The following ZNF234 variants were observed in gnomAD, a reference collection of about 807,000 sequenced individuals.
ZNF234 encodes the protein zinc finger protein 234, also known as C2-H2 type zinc finger protein.
Under a neutral mutation model 10.3 loss-of-function variants are expected in ZNF234, and 4 were observed. That is an observed-to-expected ratio of 0.39 (90% CI 0.19 to 0.89). The LOEUF (loss-of-function observed/expected upper bound fraction) is 0.89. Among genes scored for constraint, ZNF234 ranks in the 40% least tolerant of loss-of-function variants. ZNF234 has a pLI of 0.38. For missense variants in ZNF234, 711 were observed against 836.1 expected (o/e 0.85, Z 1.85); for synonymous variants, 258 against 280.1 (o/e 0.92, Z 0.79).
At chr19:44,143,200 G>A (rs1215471279) in intron 2 of ZNF234, among the ~76,000 whole-genome samples, 1 of 146,732 alleles carries the variant, frequency 6.8e-6, no homozygotes, top group Non-Finnish European at 1.5e-5. Flanking sequence ...TGAGTCCTGA[G>A]TTATGGAACT....
chr19:44,156,846 A>T lies in ZNF234; in HGVS notation c.830A>T (p.Glu277Val). The change falls in exon 6 of 6, where the codon GAA becomes GTA. Residue 277 changes from glutamate to valine, a missense_variant. Physicochemically the swap from Glu to Val is moderately radical, Grantham distance 121. Transcript: ENST00000426739. The stretch of plus-strand genomic sequence containing the variant: ...TTCATACATGCTTCCCATCTTCAGG[A>T]ACATCAGAGAATTCATACTGGGGAG... ...RAFIHASHLQ[E>V]HQRIHTGEKP... The T allele has an allele frequency of 6.2e-7, 1 of 1,609,904 alleles. No homozygotes were observed. The highest frequency in any genetic ancestry group is 8.5e-7 in the Non-Finnish European group (1 of 1,176,878).
Position 44,158,093 on chromosome 19 carries a change from T to C in ZNF234, c.2077T>C (p.Ser693Pro), listed in dbSNP as rs184245205. 1.2e-4 allele frequency: 191 copies of C among 1,602,382 alleles called. No individual in the cohort carries two copies. The African/African-American group carries it at 2.4e-3, about 20-fold the overall frequency. The stretch of plus-strand genomic sequence containing the variant: ...GAATAGTAAGAACATCAGAGAGTTG[T>C]CAGAGGGAGGAAGTTCTACAAGGTG... ...DENSKNIRELSEGGSSTR is the reference protein window; with the variant it reads ...DENSKNIRELPEGGSSTR Residue 693 changes from serine to proline, a missense_variant, in exon 6 of 6, where the codon TCA (serine) becomes CCA (proline). Ser to Pro is a moderately conservative substitution (Grantham distance 74, BLOSUM62 -1). Coordinates refer to ENST00000426739, the MANE Select transcript of ZNF234 (RefSeq NM_006630.3).
At chr19:44,154,628 C>CTTTT (rs779013573) in intron 5 of ZNF234, among the ~76,000 whole-genome samples, 8 of 102,442 alleles carry the variant, frequency 7.8e-5, no homozygotes, top group Non-Finnish European at 1.4e-4. Flanking sequence ...TTCTCTTTTT[C>CTTTT]TTTTTTTTTT....
rs902736211 is a variant in ZNF234 at position 44,150,407 on chromosome 19, T to C, written c.143-6T>C. On this transcript the variant is annotated splice_polypyrimidine_tract_variant and splice_region_variant and intron_variant, in intron 4 of 5. Coordinates refer to ENST00000426739, the MANE Select transcript of ZNF234 (RefSeq NM_006630.3). ...TGTTTTAAATATGTGACTTTGCGTG[T>C]TCTAGGGCATCACCCCTTCAAACAT... is the stretch of plus-strand genomic sequence containing the variant. 1 of 1,572,654 alleles carries C rather than the reference T, an allele frequency of 6.4e-7. No individual in the cohort carries two copies. Among genetic ancestry groups the C allele is most frequent in the South Asian group, 1.2e-5 (1 of 84,710 alleles).
intron 5 of ZNF234, among the ~76,000 whole-genome samples, chr19:44,154,843 C>A: frequency 6.6e-6 from 1 of 151,878 alleles, no homozygotes. Context: ...TGCTATGTTG[C>A]CCAGGCTGGT....
chr19:44,152,831 G>A (rs192198646), intron 5 of ZNF234, among the ~76,000 whole-genome samples: 179 of 152,198 alleles, frequency 1.2e-3, no homozygotes, highest in Non-Finnish European at 1.8e-3. Context: ...CCCAGGTTTT[G>A]CCTCCCCTGT....
rs778899015 is a variant in ZNF234 at position 44,157,479 on chromosome 19, A to G, written c.1463A>G (p.Glu488Gly). The part of the protein sequence containing the change: ...HTGEKPYKCE[E>G]CGKGFSRRAD... Reference sequence around the variant, plus strand: ...GGTGAGAAACCATACAAATGTGAAGAGTGCGGAAAGGGATTTAGTCGTAGA... The same window carrying G: ...GGTGAGAAACCATACAAATGTGAAGGGTGCGGAAAGGGATTTAGTCGTAGA... The change falls in exon 6 of 6, where the codon GAG (glutamate) becomes GGG (glycine). Residue 488 changes from glutamate (E) to glycine (G), a missense_variant. Glu to Gly is a moderately conservative substitution (Grantham distance 98, BLOSUM62 -2). Coordinates refer to ENST00000426739, the MANE Select transcript of ZNF234 (RefSeq NM_006630.3). 1.9e-5 allele frequency: 30 copies of G among 1,614,040 alleles called. No individual in the cohort carries two copies. The highest frequency in any genetic ancestry group is 2.5e-5 in the Non-Finnish European group (29 of 1,179,932).
Position 44,157,366 on chromosome 19 carries a change from T to C in ZNF234, c.1350T>C (p.His450=), listed in dbSNP as rs1044301417. 1.2e-6 allele frequency: 2 copies of C among 1,613,758 alleles called. No homozygotes were observed. The highest frequency in any genetic ancestry group is 2.7e-5 in the African/African-American group (2 of 74,872). Residue 450 remains histidine, a synonymous_variant, in exon 6 of 6, where the codon CAT becomes CAC. Coordinates refer to ENST00000426739, the MANE Select transcript of ZNF234 (RefSeq NM_006630.3). The part of the protein sequence containing the change: ...SSYLKIHLKA[H]SVQKPFKCEE... ...ATCTTAAAATCCATCTGAAAGCACATAGTGTACAGAAACCTTTTAAGTGTG... is the reference window on the plus strand; with the variant it reads ...ATCTTAAAATCCATCTGAAAGCACACAGTGTACAGAAACCTTTTAAGTGTG...
At chr19:44,145,455 G>A (rs1968566683) in intron 3 of ZNF234, among the ~76,000 whole-genome samples, 1 of 152,150 alleles carries the variant, frequency 6.6e-6, no homozygotes, top group Non-Finnish European at 1.5e-5. Flanking sequence ...ACTTTCTGCT[G>A]ATTTTTTTGT....
In ZNF234 at chr19:44,157,263, A is replaced by G. The variant is rs372837361; in HGVS notation, c.1247A>G (p.Gln416Arg). ...GKSFRMKIHY[Q>R]VHLVVHTGEK... The stretch of plus-strand genomic sequence containing the variant: ...AGCTTCAGAATGAAAATTCATTATC[A>G]AGTGCATCTGGTAGTCCACACAGGG... Residue 416 changes from glutamine to arginine, a missense_variant, in exon 6 of 6, where the codon CAA (glutamine) becomes CGA (arginine). By Grantham distance (43) the Gln-to-Arg change is conservative (BLOSUM62 1). Transcript: ENST00000426739. 4.3e-6 allele frequency: 7 copies of G among 1,613,952 alleles called. No homozygotes were observed. Among genetic ancestry groups the G allele is most frequent in the South Asian group, 1.1e-5 (1 of 91,082 alleles).
In ZNF234 at chr19:44,157,528, G is replaced by T. The variant is rs757074286; in HGVS notation, c.1512G>T (p.Arg504Ser). 5.0e-6 allele frequency: 8 copies of T among 1,613,782 alleles called. No homozygotes were observed. Among genetic ancestry groups the T allele is most frequent in the Non-Finnish European group, 6.8e-6 (8 of 1,179,908 alleles). ...GAGCAGATCTTAAAATTCATTGTAG[G>T]ATCCACACAGGGGAGAAACCATATA... ...SRRADLKIHC[R>S]IHTGEKPYNC... Residue 504 changes from arginine to serine, a missense_variant, in exon 6 of 6, where the codon AGG becomes AGT. By Grantham distance (110) the Arg-to-Ser change is moderately radical. Transcript: ENST00000426739.
chr19:44,156,860 C>A lies in ZNF234; in HGVS notation c.844C>A (p.His282Asn). The change falls in exon 6 of 6, where the codon CAT (histidine) becomes AAT (asparagine). Residue 282 changes from histidine (H) to asparagine (N), a missense_variant. By Grantham distance (68) the His-to-Asn change is moderately conservative. Coordinates refer to ENST00000426739, the MANE Select transcript of ZNF234 (RefSeq NM_006630.3). Reference sequence around the variant, plus strand: ...CCATCTTCAGGAACATCAGAGAATTCATACTGGGGAGAAACCATTCAAATG... The same window carrying A: ...CCATCTTCAGGAACATCAGAGAATTAATACTGGGGAGAAACCATTCAAATG... The part of the protein sequence containing the change: ...ASHLQEHQRI[H>N]TGEKPFKCDT... The A allele has an allele frequency of 1.2e-6, 2 of 1,613,232 alleles. No homozygotes were observed. Among genetic ancestry groups the A allele is most frequent in the Non-Finnish European group, 1.7e-6 (2 of 1,179,504 alleles).
At chr19:44,150,893 G>A (rs924259646) in intron 5 of ZNF234, among the ~76,000 whole-genome samples, 1 of 151,948 alleles carries the variant, frequency 6.6e-6, no homozygotes, top group African/African-American at 2.4e-5. Flanking sequence ...AATTAGCCAG[G>A]CGTGGTGGCC....
intron 5 of ZNF234, among the ~76,000 whole-genome samples, chr19:44,155,730 G>T (rs1283397668): frequency 6.6e-6 from 1 of 152,048 alleles, no homozygotes; most frequent in African/African-American, 2.4e-5. Flanking sequence ...TTCCCTTGAA[G>T]TTCTTGTTGA....
In ZNF234 at chr19:44,154,694, A is replaced by G. The variant is rs75329998; in HGVS notation, c.236-1558A>G. ...GTCCCTCAGGCTGAAGTGCAGTGATAAAATCATGGTTCACTGCAGCTTCTA... is the reference window on the plus strand; with the variant it reads ...GTCCCTCAGGCTGAAGTGCAGTGATGAAATCATGGTTCACTGCAGCTTCTA... On this transcript the variant is annotated intron_variant, in intron 5 of 5. Transcript: ENST00000426739. 1.0e-2 allele frequency among the ~76,000 whole-genome samples: 1,452 copies of G among 145,514 alleles called. 32 individuals carry two copies. Among genetic ancestry groups the G allele is most frequent in the African/African-American group, 0.036 (1,392 of 39,114 alleles).
At position 44,151,031 on chromosome 19, in the gene ZNF234, TA is replaced by T. The variant is rs56994246; in HGVS notation, c.235+540del. ...TGGGCAACAGAGCGACACTCCATCT[TA>T]AAAAAAAAAAAAATACTCTGAATGG... On this transcript the variant is annotated intron_variant, in intron 5 of 5. Coordinates refer to ENST00000426739, the MANE Select transcript of ZNF234 (RefSeq NM_006630.3). 3.6e-3 allele frequency among the ~76,000 whole-genome samples: 525 copies of T among 145,210 alleles called. 1 individual carries two copies. Among genetic ancestry groups the T allele is most frequent in the African/African-American group, 7.2e-3 (285 of 39,430 alleles).
intron 3 of ZNF234, among the ~76,000 whole-genome samples, chr19:44,146,576 A>T (rs1290149539): frequency 6.6e-6 from 1 of 152,172 alleles, no homozygotes; most frequent in Non-Finnish European, 1.5e-5. Context: ...GGTGTGACAA[A>T]AGATACCTTA....
chr19:44,150,623 C>T, intron 5 of ZNF234, 118 bp downstream of exon 5: 1 of 748,494 alleles, frequency 1.3e-6, no homozygotes, highest in Non-Finnish European at 2.2e-6. Flanking sequence ...ATGATTGCAA[C>T]AGCCTTCGTA....
chr19:44,150,443 T>C lies in ZNF234; in HGVS notation c.173T>C (p.Leu58Pro). ...GHHPFKHDVF[L>P]LEKEKKLDIM... ...CACCCCTTCAAACATGATGTATTCC[T>C]TTTAGAAAAGGAAAAAAAGCTTGAT... Residue 58 changes from leucine to proline, a missense_variant, in exon 5 of 6, where the codon CTT becomes CCT. By Grantham distance (98) the Leu-to-Pro change is moderately conservative (BLOSUM62 -3). Coordinates refer to ENST00000426739, the MANE Select transcript of ZNF234 (RefSeq NM_006630.3). 1 of 1,589,302 alleles carries C rather than the reference T, an allele frequency of 6.3e-7. No individual in the cohort carries two copies. The highest frequency in any genetic ancestry group is 8.6e-7 in the Non-Finnish European group (1 of 1,167,150).
Sources: allele counts gnomAD v4.1 joint callset (sites outside exome capture counted in the v4.1 genomes callset), GRCh38; gene constraint gnomAD v4.1.1; transcripts MANE v1.5; gene names NCBI Gene and HGNC (gene_info 2026-07-23, HGNC 2026-07-21).